The following PHF21B variants were observed in gnomAD, a reference collection of about 807,000 sequenced individuals.
PHF21B encodes the protein PHD finger protein 21B.
A neutral mutation model predicts 62.2 loss-of-function variants in PHF21B; 22 were observed. The ratio of observed to expected loss-of-function variants is 0.35; its 90% CI spans 0.25 to 0.51. The LOEUF (loss-of-function observed/expected upper bound fraction) is 0.51, where lower values mean the gene tolerates loss of function less well. PHF21B is among the 20% of genes least tolerant of loss of function. The pLI, the probability that PHF21B is intolerant of heterozygous loss-of-function variation, is 0.97. For missense variants in PHF21B, 701 were observed against 707.9 expected (o/e 0.99, Z 0.11); for synonymous variants, 341 against 314.7 (o/e 1.08, Z -0.88).
chr22:44,915,981 A>C lies in PHF21B; in HGVS notation c.564+299T>G, dbSNP rs868092072. 1.4e-4 allele frequency among the ~76,000 whole-genome samples: 21 copies of C among 152,350 alleles called. 1 individual carries two copies. In the Middle Eastern group the frequency reaches 0.034, roughly 247 times the overall value. ...ATTGGTTAATCATTTGAATGAATTC[A>C]TTCATTGACCAATCACTCCTTTTCC... On this transcript the variant is annotated intron_variant, in intron 4 of 12. Transcript: ENST00000313237.
At position 45,009,369 on chromosome 22, in the gene PHF21B, C is replaced by T. The variant is rs1007404468; in HGVS notation, c.54+127G>A. The T allele has an allele frequency of 3.0e-6, 3 of 1,001,952 alleles. No homozygotes were observed. Among genetic ancestry groups the T allele is most frequent in the African/African-American group, 1.7e-5 (1 of 58,626 alleles). 62.1% of individuals were successfully genotyped at this position (1,001,952 alleles called of 1,614,324 possible). A position where few individuals can be genotyped will look rare whatever the true frequency, so the allele number is the denominator to read the frequency against. Reference sequence around the variant, plus strand: ...CGCGTGTGCTCACTCCCTCGCCCCCCGCCCCCGGGCAGGCTCCAGCCTGGA... The same window carrying T: ...CGCGTGTGCTCACTCCCTCGCCCCCTGCCCCCGGGCAGGCTCCAGCCTGGA... On this transcript the variant is annotated intron_variant, in intron 1 of 12. Coordinates refer to ENST00000313237, the MANE Select transcript of PHF21B (RefSeq NM_138415.5). This position sits in a 1 kb window ranked among gnomAD's most constrained non-coding sequence, Gnocchi z 5.9.
intron 2 of PHF21B, among the ~76,000 whole-genome samples, chr22:44,936,047 C>T (rs1394194445): frequency 1.3e-5 from 2 of 152,232 alleles, no homozygotes; most frequent in African/African-American, 4.8e-5. Flanking sequence ...TGAAAATAAG[C>T]TTTAGATTTT....
At chr22:44,980,569 G>A (rs1445303934) in intron 2 of PHF21B, among the ~76,000 whole-genome samples, 1 of 152,192 alleles carries the variant, frequency 6.6e-6, no homozygotes, top group African/African-American at 2.4e-5. Context: ...ATAAAGATTG[G>A]AAAAGGGATG....
At chr22:44,990,889 G>A (rs1231412580) in intron 2 of PHF21B, among the ~76,000 whole-genome samples, 1 of 152,230 alleles carries the variant, frequency 6.6e-6, no homozygotes, top group Non-Finnish European at 1.5e-5. Flanking sequence ...AGCCAGGAGT[G>A]TGACCGAGGA....
intron 2 of PHF21B, 70 bp downstream of exon 2, chr22:45,008,475 T>G (rs2073366641): frequency 1.4e-6 from 2 of 1,415,914 alleles, no homozygotes; most frequent in Non-Finnish European, 1.9e-6. Context: ...TGGCACTTTT[T>G]AGGGCGCCGC....
chr22:44,964,741 G>A (rs2072492156), intron 2 of PHF21B, among the ~76,000 whole-genome samples: 1 of 152,154 alleles, frequency 6.6e-6, no homozygotes, highest in Non-Finnish European at 1.5e-5. Flanking sequence ...TTTCTAGGAG[G>A]GATTTTAAAA....
intron 2 of PHF21B, among the ~76,000 whole-genome samples, chr22:44,994,082 G>A (rs1314853030): frequency 2.0e-5 from 3 of 152,228 alleles, no homozygotes; most frequent in Non-Finnish European, 4.4e-5. Flanking sequence ...CCCACATACT[G>A]AGCCAAAGGC....
intron 2 of PHF21B, among the ~76,000 whole-genome samples, chr22:44,979,226 G>A (rs2072792999): frequency 6.6e-6 from 1 of 152,252 alleles, no homozygotes; most frequent in Admixed American, 6.5e-5. Flanking sequence ...GGTACAGGGA[G>A]GAGGTGCCAT....
chr22:44,909,546 T>G (rs1300754799), intron 5 of PHF21B, among the ~76,000 whole-genome samples: 2 of 152,246 alleles, frequency 1.3e-5, no homozygotes, highest in African/African-American at 4.8e-5. Context: ...AGGACAATAA[T>G]CAAGTCATTC....
intron 4 of PHF21B, among the ~76,000 whole-genome samples, chr22:44,914,701 G>C (rs2147299254): frequency 6.6e-6 from 1 of 152,314 alleles, no homozygotes; most frequent in Middle Eastern, 3.4e-3. Context: ...CCCCTCACGT[G>C]GTGGATGGGG....
chr22:44,912,878 C>CAAAAAAAAAAAA (rs3087031), intron 5 of PHF21B, among the ~76,000 whole-genome samples: 2,094 of 45,460 alleles, frequency 0.046, 296 homozygotes, highest in Non-Finnish European at 0.053. Flanking sequence ...GACTCTATCT[C>CAAAAAAAAAAAA]AAAAAAAAAA....
chr22:44,974,916 C>A (rs1451109054), intron 2 of PHF21B, among the ~76,000 whole-genome samples: 2 of 152,174 alleles, frequency 1.3e-5, no homozygotes, highest in Non-Finnish European at 2.9e-5. Context: ...ATTGAACAAG[C>A]AGATCAAAAT....
At chr22:44,983,466 TGAG>T (rs2072879762) in intron 2 of PHF21B, among the ~76,000 whole-genome samples, 1 of 152,088 alleles carries the variant, frequency 6.6e-6, no homozygotes, top group African/African-American at 2.4e-5. Flanking sequence ...GCAAAGGCCC[TGAG>T]GAAACCGGAA....
intron 2 of PHF21B, among the ~76,000 whole-genome samples, chr22:44,946,980 G>A (rs2072086610): frequency 6.6e-6 from 1 of 152,220 alleles, no homozygotes; most frequent in Non-Finnish European, 1.5e-5. Context: ...CTCCGTTTAA[G>A]GGGGCTGCGG....
intron 2 of PHF21B, among the ~76,000 whole-genome samples, chr22:44,931,703 T>C (rs1423108812): frequency 6.6e-6 from 1 of 150,478 alleles, no homozygotes; most frequent in Non-Finnish European, 1.5e-5. Flanking sequence ...TGTGTAGAGG[T>C]GTATTCTGGA....
intron 2 of PHF21B, among the ~76,000 whole-genome samples, chr22:44,977,382 T>C (rs1464178960): frequency 6.6e-6 from 1 of 151,990 alleles, no homozygotes; most frequent in Non-Finnish European, 1.5e-5. Context: ...CTGGCCAACA[T>C]GGTGAAACCC....
At chr22:44,899,480 G>A (rs1361758547) in intron 5 of PHF21B, among the ~76,000 whole-genome samples, 23 of 151,712 alleles carry the variant, frequency 1.5e-4, no homozygotes, top group Non-Finnish European at 2.2e-4. Flanking sequence ...TAGTAGAGAC[G>A]GGGTTTCACC....
intron 2 of PHF21B, among the ~76,000 whole-genome samples, chr22:44,925,894 C>G (rs145510147): frequency 0.011 from 1,671 of 152,328 alleles, 18 homozygotes; most frequent in Middle Eastern, 0.037. Flanking sequence ...GCCATTTATG[C>G]AGCTGGTCAA....
intron 3 of PHF21B, among the ~76,000 whole-genome samples, chr22:44,919,155 C>G (rs1190058780): frequency 6.6e-6 from 1 of 152,158 alleles, no homozygotes; most frequent in Non-Finnish European, 1.5e-5. Flanking sequence ...CCTTGATGCC[C>G]AGGTGTGTGG....
Sources: allele counts gnomAD v4.1 joint callset (sites outside exome capture counted in the v4.1 genomes callset), GRCh38; gene constraint gnomAD v4.1.1; non-coding constraint Gnocchi (gnomAD v3.1); transcripts MANE v1.5; gene names NCBI Gene and HGNC (gene_info 2026-07-23, HGNC 2026-07-21).